ADGRG2: variants seen among roughly 807,000 people sequenced by gnomAD.
ADGRG2 encodes the protein adhesion G protein-coupled receptor G2.
A neutral mutation model predicts 74.1 loss-of-function variants in ADGRG2; 26 were observed. The ratio of observed to expected loss-of-function variants is 0.35; its 90% CI spans 0.26 to 0.49. The LOEUF is 0.49. ADGRG2 is among the 20% of genes least tolerant of loss of function. ADGRG2 has a pLI of 0.99. For missense variants in ADGRG2, 619 were observed against 763.1 expected (o/e 0.81, Z 2.22); for synonymous variants, 296 against 295.2 (o/e 1.00, Z -0.03).
In ADGRG2 at chrX:19,116,079, G is replaced by A. The variant is rs1445928881; in HGVS notation, c.-47+6363C>T. ...TTTTAAAAATTAGCCAGGCATGGTG[G>A]GGCAAGCCTGTAGTGCCTCCAGCTG... On this transcript the variant is annotated intron_variant, in intron 1 of 28. Coordinates refer to ENST00000379869, the MANE Select transcript of ADGRG2 (RefSeq NM_001079858.3). 3.0e-4 allele frequency among the ~76,000 whole-genome samples: 33 copies of A among 109,848 alleles called. 2 individuals carry two copies. Among genetic ancestry groups the A allele is most frequent in the Non-Finnish European group, 1.9e-5 (1 of 52,696 alleles).
chrX:19,047,356 C>T (rs985832554), intron 3 of ADGRG2, among the ~76,000 whole-genome samples: 1 of 111,536 alleles, frequency 9.0e-6, no homozygotes, highest in Non-Finnish European at 1.9e-5. Flanking sequence ...GATCACCTCC[C>T]AAATAAACTA....
At chrX:19,114,118 C>T (rs894708649) in intron 1 of ADGRG2, among the ~76,000 whole-genome samples, 4 of 97,844 alleles carry the variant, frequency 4.1e-5, no homozygotes, top group Admixed American at 1.1e-4. Context: ...CCTGAGAAGA[C>T]AAAGAGGATG....
intron 13 of ADGRG2, among the ~76,000 whole-genome samples, chrX:19,021,881 C>A (rs1399265904): frequency 9.1e-6 from 1 of 110,365 alleles, no homozygotes; most frequent in South Asian, 3.9e-4. Flanking sequence ...CACCTGACCT[C>A]AGGTGATCTG....
chrX:18,995,920 ATT>A (rs1374847767), intron 27 of ADGRG2, 129 bp downstream of exon 27: 5 of 426,127 alleles, frequency 1.2e-5, no homozygotes, highest in Non-Finnish European at 1.7e-5. Context: ...CACGATCAAT[ATT>A]TTCTGTTGAG....
intron 22 of ADGRG2, 55 bp downstream of exon 22, chrX:19,005,947 T>C (rs1033902632): frequency 2.8e-6 from 2 of 711,175 alleles, no homozygotes; most frequent in African/African-American, 4.2e-5. Context: ...TGTAGTGTGA[T>C]GCCCAGCTAC....
intron 1 of ADGRG2, among the ~76,000 whole-genome samples, chrX:19,107,643 T>TG (rs1443864237): frequency 5.4e-4 from 58 of 107,854 alleles, no homozygotes; most frequent in African/African-American, 1.9e-3. Context: ...TTTTGTTTTT[T>TG]TTTTTTTTTT....
rs1445521105 is a variant in ADGRG2, at chrX:19,115,637, A to G, written c.-47+6805T>C. Among the ~76,000 whole-genome samples, 3 of 111,125 alleles carry G rather than the reference A, an allele frequency of 2.7e-5. No individual in the cohort carries two copies. The Admixed American group carries it at 2.9e-4, about 11-fold the overall frequency. ...GTTGAGAATAGGGAGTAAAGGAGGT[A>G]CCAGTGAGGCCCTAGGGATTGATTG... is the stretch of plus-strand genomic sequence containing the variant. On this transcript the variant is annotated intron_variant, in intron 1 of 28. Coordinates refer to ENST00000379869, the MANE Select transcript of ADGRG2 (RefSeq NM_001079858.3).
intron 1 of ADGRG2, among the ~76,000 whole-genome samples, chrX:19,093,726 G>C (rs752384113): frequency 1.3e-4 from 14 of 111,703 alleles, no homozygotes; most frequent in African/African-American, 3.9e-4. Flanking sequence ...TTCTGTTTTT[G>C]TTTGGTTGTT....
chrX:19,013,775 G>A lies in ADGRG2; in HGVS notation c.1010C>T (p.Thr337Ile), dbSNP rs201217715. ...SPMPQTHVSG[T>I]PPPVKASFSS... ...AAATGAGGCTTTCACAGGAGGTGGG[G>A]TGCCGGAGACATGGGTTTGGGGCAT... is the stretch of plus-strand genomic sequence containing the variant. The change falls in exon 16 of 29, where the codon ACC becomes ATC. Residue 337 changes from threonine to isoleucine, a missense_variant. This residue lies in a region of ADGRG2 where 292 missense variants were observed against 318.0 expected (regional missense o/e 0.92). Transcript: ENST00000379869. 40 of 1,196,313 alleles carry A rather than the reference G, an allele frequency of 3.3e-5. 1 individual carries two copies. In the Admixed American group the frequency reaches 7.0e-4, roughly 21 times the overall value.
rs1372550788 is a variant in ADGRG2 at position 18,989,903 on chromosome X, C to T, written c.*961G>A. 2 of 112,193 alleles carry T rather than the reference C, an allele frequency of 1.8e-5. No homozygotes were observed. Among genetic ancestry groups the T allele is most frequent in the South Asian group, 3.8e-4 (1 of 2,604 alleles). The allele number at this position is 112,193 out of a possible 1,213,427, so 9.2% of individuals were successfully genotyped here. On this transcript the variant is annotated 3_prime_UTR_variant, in exon 29 of 29. Coordinates refer to ENST00000379869, the MANE Select transcript of ADGRG2 (RefSeq NM_001079858.3). ...ATTTGAGAAGCGGCAGTGTATGTAC[C>T]TCATCTACGTTCACAATTTTCCTGA...
At chrX:19,002,808 A>T (rs1000385588) in intron 24 of ADGRG2, 38 bp downstream of exon 24, 5 of 1,169,828 alleles carry the variant, frequency 4.3e-6, no homozygotes, top group Non-Finnish European at 5.8e-6. Context: ...GAAAAGGCAG[A>T]GAAAGTCCAG....
intron 3 of ADGRG2, among the ~76,000 whole-genome samples, chrX:19,046,923 C>G (rs1328574730): frequency 4.5e-5 from 5 of 111,779 alleles, no homozygotes; most frequent in African/African-American, 1.6e-4. Context: ...CCGAACCTAG[C>G]TGGAAGCCAG....
intron 1 of ADGRG2, among the ~76,000 whole-genome samples, chrX:19,098,936 G>A (rs1207732570): frequency 8.9e-6 from 1 of 112,594 alleles, no homozygotes; most frequent in African/African-American, 3.2e-5. Flanking sequence ...TATAATCCCA[G>A]CACTTTGGGA....
chrX:19,108,452 T>A (rs2062355579), intron 1 of ADGRG2, among the ~76,000 whole-genome samples: 1 of 111,995 alleles, frequency 8.9e-6, no homozygotes, highest in African/African-American at 3.2e-5. Flanking sequence ...TGCACATATA[T>A]GTTCACTACA....
chrX:19,077,334 T>TAAAA (rs34976230), intron 2 of ADGRG2, among the ~76,000 whole-genome samples: 4 of 38,613 alleles, frequency 1.0e-4, no homozygotes, highest in African/African-American at 5.2e-4. Context: ...CTGTCTCTAC[T>TAAAA]AAAAAAAAAA....
At chrX:19,055,014 G>A (rs6629313) in intron 3 of ADGRG2, among the ~76,000 whole-genome samples, 145 of 111,869 alleles carry the variant, frequency 1.3e-3, no homozygotes, top group Middle Eastern at 4.6e-3. Flanking sequence ...AAGGTCAAAA[G>A]CAACAATAAG....
At chrX:19,066,478 C>A (rs2061572147) in intron 3 of ADGRG2, among the ~76,000 whole-genome samples, 1 of 53,332 alleles carries the variant, frequency 1.9e-5, no homozygotes, top group African/African-American at 9.0e-5. Flanking sequence ...TTTTTTGAGG[C>A]AGGGTTGTAC....
chrX:19,028,292 G>T (rs1451628257), intron 9 of ADGRG2, 54 bp from the exon 10 acceptor site: 2 of 528,948 alleles, frequency 3.8e-6, no homozygotes, highest in African/African-American at 4.8e-5. Flanking sequence ...ATAGCTTGAG[G>T]ATTAATACCA....
chrX:19,121,928 C>G (rs1432960952), intron 1 of ADGRG2, among the ~76,000 whole-genome samples: 1 of 111,952 alleles, frequency 8.9e-6, no homozygotes, highest in South Asian at 3.8e-4. Context: ...GGCCGCCGCT[C>G]CGTCCCTCGG....
Sources: allele counts gnomAD v4.1 joint callset (sites outside exome capture counted in the v4.1 genomes callset), GRCh38; gene constraint gnomAD v4.1.1; regional missense constraint gnomAD v4.1.1; transcripts MANE v1.5; gene names NCBI Gene and HGNC (gene_info 2026-07-23, HGNC 2026-07-21).